ING4: variants seen among roughly 807,000 people sequenced by gnomAD.
ING4 encodes inhibitor of growth family member 4, also known as inhibitor of growth protein 4.
ING4 carries 28 observed loss-of-function variants against 33.1 expected under a neutral mutation model. The ratio of observed to expected loss-of-function variants is 0.85; its 90% CI spans 0.63 to 1.16. The LOEUF is 1.16. Ranked by LOEUF, ING4 falls within the 50% of genes most tolerant of loss-of-function variation. ING4 has a pLI of 0.00. For missense variants in ING4, 247 were observed against 314.7 expected (o/e 0.78, Z 1.63); for synonymous variants, 87 against 104.4 (o/e 0.83, Z 1.02).
At chr12:6,658,786 G>A (rs1337550008) in intron 1 of ING4, among the ~76,000 whole-genome samples, 1 of 152,184 alleles carries the variant, frequency 6.6e-6, no homozygotes, top group African/African-American at 2.4e-5. Flanking sequence ...CTGCTCTGAA[G>A]ATGTTCTGCG....
At position 6,655,204 on chromosome 12, in the gene ING4, C is replaced by T. The variant is rs552364981; in HGVS notation, c.109+1523G>A. On this transcript the variant is annotated intron_variant, in intron 2 of 7. Coordinates refer to ENST00000341550, the MANE Select transcript of ING4 (RefSeq NM_016162.4). ...GATTACTGGCATGCGCCACCACACC[C>T]GACTAATTTTTGTATTTTTAGCAGA... Among the ~76,000 whole-genome samples, 43 of 151,906 alleles carry T rather than the reference C, an allele frequency of 2.8e-4. 1 individual carries two copies. The highest frequency in any genetic ancestry group is 3.4e-3 in the Middle Eastern group (1 of 290).
At chr12:6,659,341 A>G (rs375724899) in intron 1 of ING4, among the ~76,000 whole-genome samples, 13 of 150,942 alleles carry the variant, frequency 8.6e-5, no homozygotes, top group Middle Eastern at 3.2e-3. Context: ...GGCTCACTTG[A>G]AGCCAGGAGT....
chr12:6,661,429 T>TTA (rs1949548666), intron 1 of ING4, among the ~76,000 whole-genome samples: 1 of 148,306 alleles, frequency 6.7e-6, no homozygotes, highest in Non-Finnish European at 1.5e-5. Flanking sequence ...TTTTTTTTTT[T>TTA]GAGAGGGACA....
intron 1 of ING4, among the ~76,000 whole-genome samples, chr12:6,661,404 T>TGG (rs1949544784): frequency 7.3e-6 from 1 of 137,338 alleles, no homozygotes; most frequent in African/African-American, 2.9e-5. Context: ...CCACCAGCCT[T>TGG]TGTTTTTTTT....
Position 6,651,241 on chromosome 12 carries a change from CA to C in ING4, c.708-8del. The C allele has an allele frequency of 6.2e-7, 1 of 1,614,182 alleles. No individual in the cohort carries two copies. The highest frequency in any genetic ancestry group is 8.5e-7 in the Non-Finnish European group (1 of 1,180,012). ...GGAGCAGCGTGGGCAAAACCTGAAA[CA>C]GAGAAGGGGAGAGAAAAGTGAGTGA... On this transcript the variant is annotated splice_region_variant and splice_polypyrimidine_tract_variant and intron_variant, in intron 7 of 7. Transcript: ENST00000341550.
chr12:6,661,414 T>TTTTG (rs1565407255), intron 1 of ING4, among the ~76,000 whole-genome samples: 1 of 134,470 alleles, frequency 7.4e-6, no homozygotes, highest in Non-Finnish European at 1.6e-5. Flanking sequence ...TTGTTTTTTT[T>TTTTG]TTTTTTTTTT....
rs1258198063 is a variant in ING4, at chr12:6,655,167, C to T, written c.109+1560G>A. Reference sequence around the variant, plus strand: ...CAAGCGATTCTCCTGCATCAGCCTCCTGAGTAGCTGGGATTACTGGCATGC... The same window carrying T: ...CAAGCGATTCTCCTGCATCAGCCTCTTGAGTAGCTGGGATTACTGGCATGC... On this transcript the variant is annotated intron_variant, in intron 2 of 7. Transcript: ENST00000341550. Among the ~76,000 whole-genome samples the T allele has an allele frequency of 2.0e-5, 3 of 152,176 alleles. No individual in the cohort carries two copies. The East Asian group carries it at 5.8e-4, about 29-fold the overall frequency.
At chr12:6,660,055 A>G (rs1354800978) in intron 1 of ING4, among the ~76,000 whole-genome samples, 3 of 152,338 alleles carry the variant, frequency 2.0e-5, no homozygotes, top group South Asian at 2.1e-4. Flanking sequence ...AGTGTTTAGA[A>G]TTATGACTTG....
At chr12:6,654,578 C>A (rs1017184419) in intron 2 of ING4, among the ~76,000 whole-genome samples, 1 of 152,066 alleles carries the variant, frequency 6.6e-6, no homozygotes, top group East Asian at 1.9e-4. Context: ...GTCAAATGAT[C>A]CACCTGCCTC....
At chr12:6,653,818 G>C (rs1949262325) in intron 2 of ING4, among the ~76,000 whole-genome samples, 1 of 152,164 alleles carries the variant, frequency 6.6e-6, no homozygotes, top group African/African-American at 2.4e-5. Flanking sequence ...ATCTGCTGTT[G>C]CTGGTTTCCA....
intron 1 of ING4, among the ~76,000 whole-genome samples, chr12:6,659,871 C>T (rs2136281909): frequency 6.6e-6 from 1 of 150,946 alleles, no homozygotes; most frequent in South Asian, 2.1e-4. Flanking sequence ...TCCAGTTACT[C>T]AAGAGACTGA....
At chr12:6,652,107 G>A (rs565259800) in intron 6 of ING4, among the ~76,000 whole-genome samples, 164 bp downstream of exon 6, 1 of 150,616 alleles carries the variant, frequency 6.6e-6, no homozygotes, top group East Asian at 2.0e-4. Flanking sequence ...TGATCTGCCC[G>A]CCTCAGCCTC....
chr12:6,660,981 C>T (rs368831542), intron 1 of ING4, among the ~76,000 whole-genome samples: 5 of 151,940 alleles, frequency 3.3e-5, no homozygotes, highest in South Asian at 4.1e-4. Flanking sequence ...TTAGTAGAGA[C>T]GGGGTTTCAC....
intron 1 of ING4, among the ~76,000 whole-genome samples, chr12:6,661,282 G>A (rs1336380809): frequency 6.6e-6 from 1 of 151,596 alleles, no homozygotes; most frequent in Admixed American, 6.6e-5. Context: ...ATTTTTAGTA[G>A]AGACGGGGTT....
At chr12:6,662,666 GC>G (rs1400936698) in intron 1 of ING4, among the ~76,000 whole-genome samples, 1 of 152,150 alleles carries the variant, frequency 6.6e-6, no homozygotes, top group Admixed American at 6.5e-5. Flanking sequence ...CCCATGAGAA[GC>G]CACTTTTGAG....
chr12:6,651,682 C>T (rs750616168), intron 6 of ING4, among the ~76,000 whole-genome samples: 6 of 151,982 alleles, frequency 3.9e-5, no homozygotes, highest in Non-Finnish European at 8.8e-5. Flanking sequence ...GCTGAGATTA[C>T]AGGCACAGGC....
rs747098954 is a variant in ING4 at position 6,652,642 on chromosome 12, G to A, written c.497+20C>T. On this transcript the variant is annotated intron_variant, in intron 5 of 7. Transcript: ENST00000341550. ...AGAGAAGAGGATGTCATCCGGCAAA[G>A]GGCTCCCTGAATCACTCACGTGCGC... The A allele has an allele frequency of 6.2e-7, 1 of 1,605,582 alleles. No individual in the cohort carries two copies. Among genetic ancestry groups the A allele is most frequent in the South Asian group, 1.1e-5 (1 of 90,812 alleles).
In ING4 at chr12:6,651,209, G is replaced by A. The variant is rs199800012; in HGVS notation, c.733C>T (p.Arg245Trp). Reference sequence around the variant, plus strand: ...AAGGCCCTTATCTATTTCTTCTTCCGTTCTTGGGAGCAGCGTGGGCAAAAC... The same window carrying A: ...AAGGCCCTTATCTATTTCTTCTTCCATTCTTGGGAGCAGCGTGGGCAAAAC... ...KWFCPRCSQE[R>W]KKK is the part of the protein sequence containing the mutation. Residue 245 changes from arginine to tryptophan, a missense_variant, in exon 8 of 8, where the codon CGG becomes TGG. Around this residue, in one of 3 missense-constraint regions of ING4, gnomAD observed 38 missense variants for 49.7 expected, o/e 0.77. Transcript: ENST00000341550. The A allele has an allele frequency of 1.4e-5, 22 of 1,614,082 alleles. No individual in the cohort carries two copies. The highest frequency in any genetic ancestry group is 2.2e-5 in the East Asian group (1 of 44,900).
chr12:6,652,624 A>T, intron 5 of ING4, 38 bp downstream of exon 5: 2 of 1,571,646 alleles, frequency 1.3e-6, no homozygotes, highest in Non-Finnish European at 1.8e-6. Context: ...GGGAGAGAAG[A>T]GGATGTCATC....
Sources: gnomAD v4.1 joint callset for allele counts (sites outside exome capture counted in the v4.1 genomes callset) on GRCh38, gnomAD v4.1.1 for gene constraint, gnomAD v4.1.1 regional missense constraint, MANE v1.5 for transcripts, NCBI Gene and HGNC (gene_info 2026-07-23, HGNC 2026-07-21) for gene names.